The following EPHA5 variants were observed in gnomAD, a reference collection of about 807,000 sequenced individuals.
EPHA5 encodes the protein EPH receptor A5, also known as ephrin type-A receptor 5.
In EPHA5, 60 loss-of-function variants were observed where a neutral mutation model predicts 105.0. That is an observed-to-expected ratio of 0.57 (90% CI 0.46 to 0.71). EPHA5 has a LOEUF of 0.71. EPHA5 is among the 30% of genes least tolerant of loss of function. EPHA5 has a pLI of 0.00. For synonymous variants in EPHA5, 513 were observed against 449.1 expected, an observed-to-expected ratio of 1.14 and a Z score of -1.80; for missense variants, 1,218 against 1,274.7, an observed-to-expected ratio of 0.96 and a Z score of 0.68.
chr4:65,440,726 T>C (rs1725934715), intron 5 of EPHA5, among the ~76,000 whole-genome samples: 1 of 152,000 alleles, frequency 6.6e-6, no homozygotes, highest in South Asian at 2.1e-4. Context: ...GGAGGAGCGA[T>C]ACCACCTTGA....
At chr4:65,602,443 CTAGATA>C (rs1249506376) in intron 2 of EPHA5, 139 bp from the exon 3 acceptor site, 27 of 614,284 alleles carry the variant, frequency 4.4e-5, no homozygotes, top group Non-Finnish European at 6.2e-5. Context: ...ACAGAAGGAA[CTAGATA>C]TAAAGTATTG....
intron 1 of EPHA5, among the ~76,000 whole-genome samples, chr4:65,663,737 C>T: frequency 6.6e-6 from 1 of 151,962 alleles, no homozygotes; most frequent in South Asian, 2.1e-4. Flanking sequence ...AAAAATAGAG[C>T]CATATCTTTC....
chr4:65,401,457 G>T (rs1355290927), intron 8 of EPHA5, among the ~76,000 whole-genome samples: 5 of 152,006 alleles, frequency 3.3e-5, no homozygotes. Flanking sequence ...AATGGCCAAA[G>T]ATGTTTCTAT....
chr4:65,418,961 G>A lies in EPHA5; in HGVS notation c.1527+1480C>T, dbSNP rs189690107. 9.5e-4 allele frequency among the ~76,000 whole-genome samples: 122 copies of A among 128,258 alleles called. 2 individuals are homozygous for A. The East Asian group carries it at 0.027, about 28-fold the overall frequency. 84.1% of individuals were successfully genotyped at this position (128,258 alleles called of 152,430 possible). A position where few individuals can be genotyped will look rare whatever the true frequency, so the allele number is the denominator to read the frequency against. ...TGCAATGGTGCGATCTTGGCTCACTGCAACCTCCGCTTCCTGGGTTCAAGC... is the reference window on the plus strand; with the variant it reads ...TGCAATGGTGCGATCTTGGCTCACTACAACCTCCGCTTCCTGGGTTCAAGC... On this transcript the variant is annotated intron_variant, in intron 6 of 16. Transcript: ENST00000613740.
At chr4:65,669,439 A>G (rs1475057887) in intron 1 of EPHA5, 123 bp downstream of exon 1, 2 of 1,247,482 alleles carry the variant, frequency 1.6e-6, no homozygotes, top group African/African-American at 1.6e-5. Context: ...ACAAATACCA[A>G]TTTGAGATGA....
chr4:65,468,838 A>C (rs1166122685), intron 5 of EPHA5, among the ~76,000 whole-genome samples: 1 of 151,672 alleles, frequency 6.6e-6, no homozygotes, highest in Non-Finnish European at 1.5e-5. Flanking sequence ...TGTGGGCAAG[A>C]AAACATGCTA....
rs936063611 is a variant in EPHA5 at position 65,404,365 on chromosome 4, C to T, written c.1793+9G>A. 5 of 1,609,764 alleles carry T rather than the reference C, an allele frequency of 3.1e-6. No homozygotes were observed. In the South Asian group the frequency reaches 3.3e-5, roughly 11 times the overall value. Reference sequence around the variant, plus strand: ...TGCAGAACTTCAGAATCACAGCTTCCTCTCTTACCTTCCACTGAGGAGGAC... The same window carrying T: ...TGCAGAACTTCAGAATCACAGCTTCTTCTCTTACCTTCCACTGAGGAGGAC... On this transcript the variant is annotated intron_variant, in intron 8 of 16. Transcript: ENST00000613740.
intron 1 of EPHA5, 68 bp downstream of exon 1, chr4:65,669,494 C>A (rs2149570015): frequency 7.8e-7 from 1 of 1,289,388 alleles, no homozygotes; most frequent in Non-Finnish European, 9.9e-7. Flanking sequence ...GCGCTGAGAC[C>A]TGAACTCCCA....
chr4:65,440,499 TACACACACACAC>T (rs71657410), intron 5 of EPHA5, among the ~76,000 whole-genome samples: 13 of 143,434 alleles, frequency 9.1e-5, no homozygotes, highest in Non-Finnish European at 1.5e-4. Context: ...TCCTAAATCT[TACACACACACAC>T]ACACACACAC....
intron 2 of EPHA5, among the ~76,000 whole-genome samples, chr4:65,606,734 C>T (rs1235816086): frequency 6.6e-6 from 1 of 152,074 alleles, no homozygotes; most frequent in Non-Finnish European, 1.5e-5. Context: ...TCTTCTTCAC[C>T]ATTCTGTGTA....
intron 3 of EPHA5, among the ~76,000 whole-genome samples, chr4:65,576,059 A>AAAGAAAGAAAGAAAG (rs1491350087): frequency 1.6e-4 from 10 of 61,458 alleles, no homozygotes; most frequent in Admixed American, 2.4e-4. Flanking sequence ...AGAAAGAAAG[A>AAAGAAAGAAAGAAAG]AAAGAAAAGA....
intron 3 of EPHA5, among the ~76,000 whole-genome samples, chr4:65,534,912 C>T (rs964058711): frequency 3.9e-5 from 6 of 152,062 alleles, no homozygotes; most frequent in Non-Finnish European, 5.9e-5. Flanking sequence ...AAAGTTTGTC[C>T]GTAGTTCTGG....
intron 3 of EPHA5, among the ~76,000 whole-genome samples, chr4:65,572,215 T>A (rs1382549508): frequency 2.6e-5 from 4 of 152,218 alleles, no homozygotes; most frequent in African/African-American, 7.2e-5. Flanking sequence ...TTAATTATTA[T>A]CTCCTATAGA....
intron 8 of EPHA5, among the ~76,000 whole-genome samples, chr4:65,403,378 T>G (rs932899871): frequency 7.0e-6 from 1 of 142,940 alleles, no homozygotes; most frequent in African/African-American, 2.5e-5. Context: ...TCTTTTTTTT[T>G]GGACCTTATG....
At chr4:65,589,480 T>C (rs1487533881) in intron 3 of EPHA5, among the ~76,000 whole-genome samples, 2 of 152,138 alleles carry the variant, frequency 1.3e-5, no homozygotes, top group Non-Finnish European at 2.9e-5. Flanking sequence ...AAGCCACTGC[T>C]GTCAGAAAAC....
At chr4:65,590,989 T>G (rs1202665570) in intron 3 of EPHA5, among the ~76,000 whole-genome samples, 1 of 152,026 alleles carries the variant, frequency 6.6e-6, no homozygotes, top group East Asian at 1.9e-4. Context: ...TAAAATATGG[T>G]GGTTGTGTGA....
intron 8 of EPHA5, among the ~76,000 whole-genome samples, chr4:65,384,256 C>T (rs1719871174): frequency 6.6e-6 from 1 of 151,924 alleles, no homozygotes; most frequent in Non-Finnish European, 1.5e-5. Flanking sequence ...TTCAAATCTA[C>T]CACTCCTCTA....
chr4:65,476,630 A>C (rs189309067), intron 5 of EPHA5, among the ~76,000 whole-genome samples: 123 of 152,288 alleles, frequency 8.1e-4, no homozygotes, highest in Non-Finnish European at 1.2e-3. Context: ...ACTTTTAGGT[A>C]GTATGCTCAC....
At chr4:65,354,979 T>C (rs7692430) in intron 11 of EPHA5, among the ~76,000 whole-genome samples, 25,104 of 151,802 alleles carry the variant, frequency 0.17, 2,283 homozygotes, top group South Asian at 0.24. Context: ...GTTGTAAAAA[T>C]GTTTGTCTAA....
Sources: gnomAD v4.1 joint callset for allele counts (sites outside exome capture counted in the v4.1 genomes callset) on GRCh38, gnomAD v4.1.1 for gene constraint, MANE v1.5 for transcripts, NCBI Gene and HGNC (gene_info 2026-07-23, HGNC 2026-07-21) for gene names.